The following ATP12A variants were observed in gnomAD, a reference collection of about 807,000 sequenced individuals.
ATP12A encodes the protein potassium-transporting ATPase alpha chain 2.
Under a neutral mutation model 111.2 loss-of-function variants are expected in ATP12A, and 81 were observed. The ratio of observed to expected loss-of-function variants is 0.73; its 90% CI spans 0.61 to 0.88. The LOEUF (loss-of-function observed/expected upper bound fraction) is 0.88. ATP12A is among the 40% of genes least tolerant of loss of function. ATP12A has a pLI of 0.00. For synonymous variants in ATP12A, 498 were observed against 499.8 expected, an observed-to-expected ratio of 1.00 and a Z score of 0.05; for missense variants, 1,196 against 1,313.1, an observed-to-expected ratio of 0.91 and a Z score of 1.38.
Position 24,712,167 on chromosome 13 carries a change from C to T in ATP12A, c.*645C>T, listed in dbSNP as rs915510191. On this transcript the variant is annotated 3_prime_UTR_variant, in exon 23 of 23. Transcript: ENST00000381946. ...GTCATCTCCCCAGCCCTTTATGCCC[C>T]GTCGCCCTCCACCCCTACATCAGCT... is the stretch of plus-strand genomic sequence containing the variant. 1 of 153,310 alleles carries T rather than the reference C, an allele frequency of 6.5e-6. No homozygotes were observed. Among genetic ancestry groups the T allele is most frequent in the African/African-American group, 2.4e-5 (1 of 41,432 alleles). The allele number at this position is 153,310 out of a possible 1,614,324, so 9.5% of individuals were successfully genotyped here.
Position 24,709,677 on chromosome 13 carries a change from T to C in ATP12A, c.2618-6T>C, listed in dbSNP as rs1380446088. The C allele has an allele frequency of 6.2e-7, 1 of 1,614,016 alleles. No individual in the cohort carries two copies. The highest frequency in any genetic ancestry group is 8.5e-7 in the Non-Finnish European group (1 of 1,179,968). On this transcript the variant is annotated splice_region_variant and splice_polypyrimidine_tract_variant and intron_variant, in intron 18 of 22. Transcript: ENST00000381946. ...AACCTGTGTCCTATCTCTCTTGTTC[T>C]TTCAGGCCTCATGCAAGCCCTGGGA...
intron 1 of ATP12A, 109 bp from the exon 2 acceptor site, chr13:24,681,453 G>C: frequency 2.3e-6 from 3 of 1,323,418 alleles, no homozygotes; most frequent in Non-Finnish European, 3.1e-6. Flanking sequence ...GGGAAGGAAA[G>C]GGAGAAGGGG....
chr13:24,694,668 G>A (rs1875059489), intron 11 of ATP12A, 90 bp downstream of exon 11: 2 of 1,584,626 alleles, frequency 1.3e-6, no homozygotes, highest in Non-Finnish European at 1.7e-6. Flanking sequence ...ATATTTTGAA[G>A]GATACCTGGC....
At position 24,685,274 on chromosome 13, in the gene ATP12A, A is replaced by G. The variant is rs755785285; in HGVS notation, c.169-40A>G. 5 of 1,595,858 alleles carry G rather than the reference A, an allele frequency of 3.1e-6. No individual in the cohort carries two copies. Among genetic ancestry groups the G allele is most frequent in the Non-Finnish European group, 3.4e-6 (4 of 1,163,448 alleles). On this transcript the variant is annotated intron_variant, in intron 2 of 22. Transcript: ENST00000381946. This position sits in a 1 kb window ranked among gnomAD's most constrained non-coding sequence, Gnocchi z 5.5. The stretch of plus-strand genomic sequence containing the variant: ...AAGCTTGGGGCTTGAGTCTTTTGGA[A>G]TTATCTAATTCACTCTGTTCTTCCT...
Position 24,685,353 on chromosome 13 carries a change from T to C in ATP12A, c.208T>C (p.Tyr70His). ...KLSNRELEEK[Y>H]GTDIIMGLSS... ...CAGCAATAGGGAATTGGAAGAGAAATATGGCACAGACATCATTATGGTGAG... is the reference window on the plus strand; with the variant it reads ...CAGCAATAGGGAATTGGAAGAGAAACATGGCACAGACATCATTATGGTGAG... Residue 70 changes from tyrosine to histidine, a missense_variant, in exon 3 of 23, where the codon TAT (tyrosine) becomes CAT (histidine). Physicochemically the swap from Tyr to His is moderately conservative, Grantham distance 83. Transcript: ENST00000381946. This position sits in a 1 kb window ranked among gnomAD's most constrained non-coding sequence, Gnocchi z 5.5. The C allele has an allele frequency of 6.2e-7, 1 of 1,614,038 alleles. No individual in the cohort carries two copies. The highest frequency in any genetic ancestry group is 8.5e-7 in the Non-Finnish European group (1 of 1,179,980).
intron 9 of ATP12A, 50 bp downstream of exon 9, chr13:24,692,677 G>A (rs1425763735): frequency 3.8e-6 from 6 of 1,599,272 alleles, no homozygotes; most frequent in Non-Finnish European, 3.4e-6. Context: ...ACTCCATCCT[G>A]GGGCTGAGCT....
At chr13:24,693,537 T>A (rs934196024) in intron 10 of ATP12A, among the ~76,000 whole-genome samples, 2 of 152,354 alleles carry the variant, frequency 1.3e-5, no homozygotes, top group Middle Eastern at 6.8e-3. Context: ...TCTTTGTCGA[T>A]ATCTTCCAAA....
In ATP12A at chr13:24,710,881, T is replaced by C; in HGVS notation, c.2987T>C (p.Phe996Ser). 6.2e-7 allele frequency: 1 copy of C among 1,614,148 alleles called. No individual in the cohort carries two copies. The highest frequency in any genetic ancestry group is 8.5e-7 in the Non-Finnish European group (1 of 1,179,980). ...YGLGSVTALS[F>S]TMLRAQYWFV... ...CTCGGAAGTGTCACAGCCTTGAGTT[T>C]CACCATGCTTAGGTGAGTTCACCCT... Residue 996 changes from phenylalanine (F) to serine (S), a missense_variant, in exon 21 of 23, where the codon TTC becomes TCC. By Grantham distance (155) the Phe-to-Ser change is radical (BLOSUM62 -2). Coordinates refer to ENST00000381946, the MANE Select transcript of ATP12A (RefSeq NM_001676.7).
At position 24,685,449 on chromosome 13, in the gene ATP12A, C is replaced by A; in HGVS notation, c.228+76C>A. 1 of 1,496,948 alleles carries A rather than the reference C, an allele frequency of 6.7e-7. No individual in the cohort carries two copies. The highest frequency in any genetic ancestry group is 9.3e-7 in the Non-Finnish European group (1 of 1,074,362). The allele number at this position is 1,496,948 out of a possible 1,614,324, so 92.7% of individuals were successfully genotyped here. A position where few individuals can be genotyped will look rare whatever the true frequency, so the allele number is the denominator to read the frequency against. ...AGGGAAGGCTGTGTGTGGCGGGGGGCTGTGTGGAAGAGTAGCGGCACCTTT... is the reference window on the plus strand; with the variant it reads ...AGGGAAGGCTGTGTGTGGCGGGGGGATGTGTGGAAGAGTAGCGGCACCTTT... On this transcript the variant is annotated intron_variant, in intron 3 of 22. Transcript: ENST00000381946. The surrounding 1 kb of genome is among the most constrained non-coding windows in gnomAD (Gnocchi z 5.5).
intron 8 of ATP12A, 136 bp downstream of exon 8, chr13:24,691,386 A>G (rs1874898640): frequency 1.8e-6 from 2 of 1,111,078 alleles, no homozygotes; most frequent in African/African-American, 1.6e-5. Flanking sequence ...ACCCTGGAAC[A>G]TTCTGCATAG....
intron 1 of ATP12A, 101 bp from the exon 2 acceptor site, chr13:24,681,461 G>T: frequency 7.3e-7 from 1 of 1,371,588 alleles, no homozygotes; most frequent in South Asian, 1.4e-5. Flanking sequence ...AAGGGAGAAG[G>T]GGCTCCTGAC....
chr13:24,708,953 GAAA>G (rs1875823745), intron 17 of ATP12A, among the ~76,000 whole-genome samples: 3 of 137,460 alleles, frequency 2.2e-5, no homozygotes, highest in Admixed American at 7.2e-5. Context: ...AAGAAAGAAA[GAAA>G]GAAAGAAGGA....
intron 2 of ATP12A, among the ~76,000 whole-genome samples, chr13:24,682,140 A>G (rs917586356): frequency 1.1e-3 from 39 of 36,124 alleles, no homozygotes; most frequent in Admixed American, 1.9e-3. Context: ...TGGTGTGTAT[A>G]TGTGTGTGGT....
rs777332198 is a variant in ATP12A at position 24,706,383 on chromosome 13, T to G, written c.2089T>G (p.Leu697Val). The G allele has an allele frequency of 6.2e-7, 1 of 1,614,250 alleles. No homozygotes were observed. The highest frequency in any genetic ancestry group is 1.1e-5 in the South Asian group (1 of 91,088). ...DMSSEQLDEI[L>V]ANYQEIVFAR... ...GAGCTCAGAACAGCTGGATGAGATCTTAGCCAACTACCAGGAGATTGTCTT... is the reference window on the plus strand; with the variant it reads ...GAGCTCAGAACAGCTGGATGAGATCGTAGCCAACTACCAGGAGATTGTCTT... The change falls in exon 15 of 23, where the codon TTA (leucine) becomes GTA (valine). Residue 697 changes from leucine to valine, a missense_variant. By Grantham distance (32) the Leu-to-Val change is conservative (BLOSUM62 1). Coordinates refer to ENST00000381946, the MANE Select transcript of ATP12A (RefSeq NM_001676.7).
In ATP12A at chr13:24,707,339, C is replaced by T. The variant is rs1355855396; in HGVS notation, c.2399C>T (p.Ala800Val). 5 of 1,614,218 alleles carry T rather than the reference C, an allele frequency of 3.1e-6. No homozygotes were observed. Among genetic ancestry groups the T allele is most frequent in the Non-Finnish European group, 4.2e-6 (5 of 1,180,026 alleles). Residue 800 changes from alanine (A) to valine (V), a missense_variant, in exon 17 of 23, where the codon GCC becomes GTC. Around this residue, in one of 3 missense-constraint regions of ATP12A, gnomAD observed 1,126 missense variants for 1,228.5 expected, o/e 0.92. Transcript: ENST00000381946. ...GCTTATTCCCTGACCAAGAACATTG[C>T]CGAGCTGTGCCCCTTTCTGATCTAC... ...TIAYSLTKNI[A>V]ELCPFLIYII...
chr13:24,693,962 T>C (rs755331045), intron 10 of ATP12A, among the ~76,000 whole-genome samples: 2 of 152,336 alleles, frequency 1.3e-5, no homozygotes, highest in Admixed American at 6.5e-5. Flanking sequence ...GGTGCTTTTA[T>C]AGTCACTTAA....
chr13:24,695,967 TCA>T (rs1218298717), intron 11 of ATP12A, among the ~76,000 whole-genome samples: 4 of 152,058 alleles, frequency 2.6e-5, no homozygotes, highest in Admixed American at 2.0e-4. Context: ...CAACAGAGAA[TCA>T]CAGTTAGCTA....
chr13:24,701,871 C>T, intron 13 of ATP12A, 64 bp from the exon 14 acceptor site: 2 of 1,605,274 alleles, frequency 1.2e-6, no homozygotes, highest in Admixed American at 1.7e-5. Context: ...ATTACTGAAC[C>T]ATCCCCACTT....
rs1410645604 is a variant in ATP12A, at chr13:24,685,913, G to A, written c.228+540G>A. 1.3e-5 allele frequency among the ~76,000 whole-genome samples: 2 copies of A among 152,236 alleles called. No homozygotes were observed. The highest frequency in any genetic ancestry group is 4.8e-5 in the African/African-American group (2 of 41,466). ...GAGAGGGGACAGGTGCAGCAGGAAT[G>A]AAGCCAGGAAGGTCATCTGGGTGAA... On this transcript the variant is annotated intron_variant, in intron 3 of 22. Transcript: ENST00000381946. The surrounding 1 kb of genome is among the most constrained non-coding windows in gnomAD (Gnocchi z 5.5).
Sources: gnomAD v4.1 joint callset for allele counts (sites outside exome capture counted in the v4.1 genomes callset) on GRCh38, gnomAD v4.1.1 for gene constraint, gnomAD v4.1.1 regional missense constraint, Gnocchi (gnomAD v3.1) non-coding constraint, MANE v1.5 for transcripts, NCBI Gene and HGNC (gene_info 2026-07-23, HGNC 2026-07-21) for gene names.